Variants in RUVBL1 observed in about 807,000 individuals in gnomAD.
RUVBL1 encodes RuvB like AAA ATPase 1, also known as ruvB-like 1.
A neutral mutation model predicts 52.4 loss-of-function variants in RUVBL1; 4 were observed. The ratio of observed to expected loss-of-function variants is 0.08; its 90% CI spans 0.04 to 0.17. The LOEUF (loss-of-function observed/expected upper bound fraction) is 0.17, where lower values mean the gene tolerates loss of function less well. Among genes scored for constraint, RUVBL1 ranks in the 10% least tolerant of loss-of-function variants. The pLI, the probability that RUVBL1 is intolerant of heterozygous loss-of-function variation, is 1.00. For synonymous variants in RUVBL1, 217 were observed against 214.4 expected, an observed-to-expected ratio of 1.01 and a Z score of -0.10; for missense variants, 298 against 572.8, an observed-to-expected ratio of 0.52 and a Z score of 4.90.
chr3:128,149,175 C>CTCTT (rs760713103), intron 1 of RUVBL1, among the ~76,000 whole-genome samples: 1 of 144,426 alleles, frequency 6.9e-6, no homozygotes. Context: ...CTCTTCTTTC[C>CTCTT]TCTTTCTTTC....
intron 1 of RUVBL1, among the ~76,000 whole-genome samples, chr3:128,135,736 T>A (rs966868982): frequency 6.6e-6 from 1 of 152,206 alleles, no homozygotes; most frequent in Non-Finnish European, 1.5e-5. Context: ...AGGATGTTAA[T>A]GAGCAATAAG....
At chr3:128,105,017 T>G in intron 3 of RUVBL1, 93 bp from the exon 4 acceptor site, 7 of 1,392,264 alleles carry the variant, frequency 5.0e-6, no homozygotes, top group Non-Finnish European at 5.9e-6. Flanking sequence ...AACTGCCAAA[T>G]CAACCTTAAT....
At chr3:128,107,430 T>C (rs1943270834) in intron 3 of RUVBL1, among the ~76,000 whole-genome samples, 1 of 152,250 alleles carries the variant, frequency 6.6e-6, no homozygotes, top group South Asian at 2.1e-4. Flanking sequence ...TTCTCACCAT[T>C]AAGCTACCTC....
chr3:128,144,818 T>C (rs1010326910), intron 1 of RUVBL1, among the ~76,000 whole-genome samples: 14 of 152,206 alleles, frequency 9.2e-5, no homozygotes, highest in African/African-American at 3.4e-4. Context: ...CTCCATTTCC[T>C]GTAGGGGATC....
Position 128,081,051 on chromosome 3 carries a change from G to T in RUVBL1, c.*199C>A. 1.9e-6 allele frequency: 1 copy of T among 526,300 alleles called. No homozygotes were observed. The highest frequency in any genetic ancestry group is 3.3e-6 in the Non-Finnish European group (1 of 299,382). 32.6% of individuals were successfully genotyped at this position (526,300 alleles called of 1,614,324 possible). A position where few individuals can be genotyped will look rare whatever the true frequency, so the allele number is the denominator to read the frequency against. On this transcript the variant is annotated 3_prime_UTR_variant, in exon 11 of 11. Transcript: ENST00000322623. This position sits in a 1 kb window ranked among gnomAD's most constrained non-coding sequence, Gnocchi z 4.8. The stretch of plus-strand genomic sequence containing the variant: ...TGAAGATTTATAGAAAACACACCAG[G>T]TAAGGAAGGGTTCTTTCAAAGCAAC...
chr3:128,075,430 G>A (rs1287380866), intron 9 of RUVBL1, among the ~76,000 whole-genome samples: 1 of 152,130 alleles, frequency 6.6e-6, no homozygotes, highest in Non-Finnish European at 1.5e-5. Context: ...AGGTTTTCAC[G>A]GTACACGCCT....
chr3:128,091,251 T>C (rs2107680214), intron 8 of RUVBL1, among the ~76,000 whole-genome samples: 1 of 146,326 alleles, frequency 6.8e-6, no homozygotes, highest in East Asian at 2.0e-4. Context: ...AGCCCTCATG[T>C]GCCAGCAGCG....
chr3:128,119,228 A>G, intron 2 of RUVBL1, 100 bp downstream of exon 2: 3 of 780,036 alleles, frequency 3.8e-6, no homozygotes, highest in Non-Finnish European at 6.3e-6. Flanking sequence ...CATATAACCC[A>G]TTTAGCTAAA....
At chr3:128,104,409 CACTGATA>C (rs1943176483) in intron 4 of RUVBL1, among the ~76,000 whole-genome samples, 1 of 152,226 alleles carries the variant, frequency 6.6e-6, no homozygotes, top group East Asian at 1.9e-4. Flanking sequence ...TGAGCATGGG[CACTGATA>C]ACTGGAAAAA....
At chr3:128,141,509 C>CT (rs1315784586) in intron 1 of RUVBL1, among the ~76,000 whole-genome samples, 5 of 151,858 alleles carry the variant, frequency 3.3e-5, no homozygotes, top group African/African-American at 1.2e-4. Flanking sequence ...CTTTTCTTTT[C>CT]TTTTGAGACA....
intron 1 of RUVBL1, among the ~76,000 whole-genome samples, chr3:128,137,064 A>T (rs536342714): frequency 2.3e-4 from 35 of 152,334 alleles, no homozygotes; most frequent in Middle Eastern, 3.4e-3. Flanking sequence ...TCTTAAGGAT[A>T]GACCACGTTA....
rs146738842 is a variant in RUVBL1 at position 128,148,911 on chromosome 3, A to G, written c.-40+4292T>C. Among the ~76,000 whole-genome samples, 562 of 152,298 alleles carry G rather than the reference A, an allele frequency of 3.7e-3. 6 individuals are homozygous for G. The highest frequency in any genetic ancestry group is 0.013 in the African/African-American group (550 of 41,564). On this transcript the variant is annotated intron_variant, in intron 1 of 9. Transcript: ENST00000464873. ...TCGTATTCCACAGTATAGACAGACC[A>G]TGATCTCTCTTTTTCTATTTACAGT...
rs202079333 is a variant in RUVBL1 at position 128,087,692 on chromosome 3, G to A, written c.1119+14C>T. On this transcript the variant is annotated intron_variant, in intron 9 of 10. Transcript: ENST00000322623. The stretch of plus-strand genomic sequence containing the variant: ...AATGAGAGAAGAGAGCAGGAGGGAA[G>A]AAGGGAGGCTCACCTGTTTCATTTC... The A allele has an allele frequency of 2.8e-5, 45 of 1,599,524 alleles. No homozygotes were observed. In the African/African-American group the frequency reaches 5.1e-4, roughly 18 times the overall value.
chr3:128,091,380 A>G (rs188589656), intron 8 of RUVBL1, among the ~76,000 whole-genome samples: 36 of 152,372 alleles, frequency 2.4e-4, no homozygotes, highest in Non-Finnish European at 4.7e-4. Context: ...AAGCTGGATA[A>G]TAATTACATT....
chr3:128,072,839 G>A (rs1046908504), intron 9 of RUVBL1, among the ~76,000 whole-genome samples: 5 of 152,264 alleles, frequency 3.3e-5, no homozygotes, highest in South Asian at 4.1e-4. Context: ...CAGCAGCCAC[G>A]CACGCTTCAA....
intron 9 of RUVBL1, chr3:128,071,360 C>T (rs1278477847): frequency 6.6e-6 from 1 of 152,558 alleles, no homozygotes; most frequent in Middle Eastern, 3.1e-3. Context: ...ACTGCCCTGT[C>T]TGCTCTGCTG....
In RUVBL1 at chr3:128,101,642, G is replaced by T. The variant is rs766119829; in HGVS notation, c.520C>A (p.Pro174Thr). 4 of 1,613,546 alleles carry T rather than the reference G, an allele frequency of 2.5e-6. No homozygotes were observed. The highest frequency in any genetic ancestry group is 3.4e-6 in the Non-Finnish European group (4 of 1,179,962). The change falls in exon 5 of 11, where the codon CCC becomes ACC. Residue 174 changes from proline to threonine, a missense_variant. Transcript: ENST00000322623. ...AKGTKQLKLD[P>T]SIFESLQKER... The stretch of plus-strand genomic sequence containing the variant: ...TTCTGCAAACTTTCAAAAATGCTGG[G>T]GTCCAGCTAAAAAAAAAAATGTAAA...
At chr3:128,119,235 TA>T in intron 2 of RUVBL1, 92 bp downstream of exon 2, 1 of 860,342 alleles carries the variant, frequency 1.2e-6, no homozygotes, top group Non-Finnish European at 1.8e-6. Flanking sequence ...CCCATTTAGC[TA>T]AACAAAGACT....
At chr3:128,086,227 G>A (rs993082689) in intron 9 of RUVBL1, among the ~76,000 whole-genome samples, 2 of 152,180 alleles carry the variant, frequency 1.3e-5, no homozygotes, top group African/African-American at 2.4e-5. Flanking sequence ...AAACTCCTGA[G>A]CTCAAGTGAC....
Sources: allele counts gnomAD v4.1 joint callset (sites outside exome capture counted in the v4.1 genomes callset), GRCh38; gene constraint gnomAD v4.1.1; non-coding constraint Gnocchi (gnomAD v3.1); transcripts MANE v1.5; gene names NCBI Gene and HGNC (gene_info 2026-07-23, HGNC 2026-07-21).